CHN2: variants seen among roughly 807,000 people sequenced by gnomAD.
CHN2 encodes the protein beta-chimaerin.
A neutral mutation model predicts 56.3 loss-of-function variants in CHN2; 35 were observed. That is an observed-to-expected ratio of 0.62 (90% CI 0.47 to 0.82). The LOEUF is 0.82. Ranked by LOEUF, CHN2 falls within the 40% of genes least tolerant of loss-of-function variation. The probability of loss-of-function intolerance (pLI) is 0.00; values close to 1 mark genes in which losing one functional copy is unlikely to be tolerated. For synonymous variants in CHN2, 210 were observed against 212.8 expected, an observed-to-expected ratio of 0.99 and a Z score of 0.12; for missense variants, 491 against 580.5, an observed-to-expected ratio of 0.85 and a Z score of 1.58.
At chr7:29,428,965 T>A (rs1805145866) in intron 6 of CHN2, among the ~76,000 whole-genome samples, 1 of 152,144 alleles carries the variant, frequency 6.6e-6, no homozygotes, top group South Asian at 2.1e-4. Context: ...TGGGCCGCAC[T>A]GGGGAGGTTT....
intron 6 of CHN2, among the ~76,000 whole-genome samples, chr7:29,426,509 C>T (rs1463783534): frequency 6.6e-6 from 1 of 152,184 alleles, no homozygotes; most frequent in Non-Finnish European, 1.5e-5. Context: ...AGATTCCTTC[C>T]ATGACCTTTA....
At chr7:29,349,698 A>T (rs373153347) in intron 1 of CHN2, among the ~76,000 whole-genome samples, 1 of 152,212 alleles carries the variant, frequency 6.6e-6, no homozygotes, top group South Asian at 2.1e-4. Flanking sequence ...TAAAGGTTAG[A>T]TACATATTAG....
At chr7:29,260,664 A>G (rs1423808742) in intron 1 of CHN2, among the ~76,000 whole-genome samples, 1 of 152,168 alleles carries the variant, frequency 6.6e-6, no homozygotes, top group Admixed American at 6.5e-5. Flanking sequence ...TTCTGACTCC[A>G]TAGCTCAGTG....
At position 29,320,925 on chromosome 7, in the gene CHN2, A is replaced by G. The variant is rs1299492051; in HGVS notation, c.50-33700A>G. ...CCATCTCGATTTATTCTCAGGCACCAGAATCTGAATCACTTAAAATGAGGT... is the reference window on the plus strand; with the variant it reads ...CCATCTCGATTTATTCTCAGGCACCGGAATCTGAATCACTTAAAATGAGGT... On this transcript the variant is annotated intron_variant, in intron 1 of 12. Coordinates refer to ENST00000222792, the MANE Select transcript of CHN2 (RefSeq NM_004067.4). Among the ~76,000 whole-genome samples the G allele has an allele frequency of 4.6e-5, 7 of 152,356 alleles. No individual in the cohort carries two copies. In the East Asian group the frequency reaches 1.4e-3, roughly 29 times the overall value.
intron 3 of CHN2, among the ~76,000 whole-genome samples, chr7:29,379,653 T>G (rs1387144178): frequency 4.6e-5 from 7 of 152,212 alleles, no homozygotes; most frequent in Non-Finnish European, 8.8e-5. Context: ...AAAATTTTCA[T>G]TATAAAACGT....
chr7:29,327,176 G>GT (rs1320440427), intron 1 of CHN2, among the ~76,000 whole-genome samples: 16 of 152,200 alleles, frequency 1.1e-4, no homozygotes, highest in Admixed American at 2.0e-4. Context: ...ATCCTGAGGT[G>GT]TATGATAAAG....
chr7:29,313,274 T>C (rs1311194496), intron 1 of CHN2, among the ~76,000 whole-genome samples: 1 of 152,212 alleles, frequency 6.6e-6, no homozygotes, highest in African/African-American at 2.4e-5. Flanking sequence ...GGTTAATGCC[T>C]GCATTCAGGT....
At chr7:29,334,788 G>A (rs1401018980) in intron 1 of CHN2, among the ~76,000 whole-genome samples, 7 of 152,172 alleles carry the variant, frequency 4.6e-5, no homozygotes, top group Admixed American at 1.3e-4. Context: ...AAAAAAGGAA[G>A]TTTCATGCTT....
At chr7:29,325,675 A>G (rs1320671832) in intron 1 of CHN2, among the ~76,000 whole-genome samples, 2 of 152,252 alleles carry the variant, frequency 1.3e-5, no homozygotes, top group Non-Finnish European at 2.9e-5. Context: ...AACTCAGCCT[A>G]TGCAGTTGCA....
chr7:29,428,747 G>A lies in CHN2; in HGVS notation c.576+27919G>A, dbSNP rs114089952. On this transcript the variant is annotated intron_variant, in intron 6 of 12. Coordinates refer to ENST00000222792, the MANE Select transcript of CHN2 (RefSeq NM_004067.4). ...ATGTAAAAACTACTTATATTAGCAC[G>A]TAGGGCCTATAAAATTTATATTTTT... Among the ~76,000 whole-genome samples, 1,111 of 152,166 alleles carry A rather than the reference G, an allele frequency of 7.3e-3. 19 individuals are homozygous for A. The highest frequency in any genetic ancestry group is 0.026 in the African/African-American group (1,059 of 41,510).
intron 2 of CHN2, among the ~76,000 whole-genome samples, chr7:29,355,158 A>T (rs1798197145): frequency 6.6e-6 from 1 of 151,726 alleles, no homozygotes; most frequent in Non-Finnish European, 1.5e-5. Context: ...TTTAGTAGAG[A>T]CGAGGTTTCT....
intron 2 of CHN2, among the ~76,000 whole-genome samples, chr7:29,362,615 A>C (rs548248706): frequency 6.6e-6 from 1 of 152,194 alleles, no homozygotes; most frequent in South Asian, 2.1e-4. Flanking sequence ...CAGCAGCCAC[A>C]CTGGCCTCTT....
At chr7:29,418,267 G>A (rs946330192) in intron 6 of CHN2, among the ~76,000 whole-genome samples, 1 of 152,240 alleles carries the variant, frequency 6.6e-6, no homozygotes, top group Non-Finnish European at 1.5e-5. Context: ...AGCCACACCA[G>A]GCAGACACCC....
At position 29,146,908 on chromosome 7, in the gene CHN2, T is replaced by A. The variant is rs1157919216; in HGVS notation, c.222T>A (p.Cys74Ter). 5 of 1,551,108 alleles carry A rather than the reference T, an allele frequency of 3.2e-6. No individual in the cohort carries two copies. The highest frequency in any genetic ancestry group is 4.4e-6 in the Non-Finnish European group (5 of 1,147,142). The change falls in exon 2 of 7, where the codon TGT (cysteine) becomes TGA (stop). Residue 74 changes from cysteine (C) to a stop codon, truncating the protein, a stop_gained. Transcript: ENST00000439384. LOFTEE classifies it high-confidence loss of function. ...AGCGAGTGGTGTTTGATTCCCACTG[T>A]TTAAAAAGGCAACACACGTTCGCTG...
chr7:29,455,707 A>G (rs776060716), intron 6 of CHN2, among the ~76,000 whole-genome samples: 2 of 152,200 alleles, frequency 1.3e-5, no homozygotes, highest in Non-Finnish European at 2.9e-5. Context: ...GTCATGGGCT[A>G]TTTGATAGCT....
chr7:29,262,249 A>G (rs1256386679), intron 1 of CHN2, among the ~76,000 whole-genome samples: 1 of 152,220 alleles, frequency 6.6e-6, no homozygotes, highest in Non-Finnish European at 1.5e-5. Flanking sequence ...TACTAGTTTG[A>G]TAAGATACTT....
chr7:29,407,877 A>C (rs1434261126), intron 6 of CHN2, among the ~76,000 whole-genome samples: 2 of 152,044 alleles, frequency 1.3e-5, no homozygotes, highest in Non-Finnish European at 2.9e-5. Context: ...GGTTGGACTC[A>C]CTCTGGGAGC....
At chr7:29,194,405 TCTC>T (rs1421157063), upstream of CHN2, 1 of 152,322 alleles carries the variant, frequency 6.6e-6, no homozygotes, top group Admixed American at 6.5e-5. Flanking sequence ...AGCGACCGCG[TCTC>T]CTCTTCTTCC....
chr7:29,347,808 A>G (rs1463649864), intron 1 of CHN2, among the ~76,000 whole-genome samples: 1 of 152,258 alleles, frequency 6.6e-6, no homozygotes, highest in African/African-American at 2.4e-5. Context: ...AAGTCCAAGC[A>G]ACAGTTATAA....
Sources: allele counts gnomAD v4.1 joint callset (sites outside exome capture counted in the v4.1 genomes callset), GRCh38; gene constraint gnomAD v4.1.1; transcripts MANE v1.5; gene names NCBI Gene and HGNC (gene_info 2026-07-23, HGNC 2026-07-21).